Variants in KCNIP4 observed in about 807,000 individuals in gnomAD.
The protein encoded by KCNIP4 is Kv channel-interacting protein 4.
KCNIP4 carries 12 observed loss-of-function variants against 34.0 expected under a neutral mutation model. That is an observed-to-expected ratio of 0.35 (90% CI 0.23 to 0.57). The LOEUF (loss-of-function observed/expected upper bound fraction) is 0.57. Ranked by LOEUF, KCNIP4 falls within the 20% of genes least tolerant of loss-of-function variation. KCNIP4 has a pLI of 0.83. For missense variants in KCNIP4, 238 were observed against 311.7 expected (o/e 0.76, Z 1.78); for synonymous variants, 124 against 102.2 (o/e 1.21, Z -1.29).
intron 1 of KCNIP4, among the ~76,000 whole-genome samples, chr4:21,536,903 T>C (rs1015956988): frequency 6.6e-6 from 1 of 152,212 alleles, no homozygotes; most frequent in African/African-American, 2.4e-5. Context: ...GCATTGGATC[T>C]TGAGCCCTGT....
intron 3 of KCNIP4, among the ~76,000 whole-genome samples, chr4:20,776,307 GA>G (rs1756363131): frequency 6.6e-6 from 1 of 152,114 alleles, no homozygotes; most frequent in South Asian, 2.1e-4. Flanking sequence ...GTATCTCACA[GA>G]TATTTTCATT....
intron 1 of KCNIP4, among the ~76,000 whole-genome samples, chr4:21,382,483 T>A (rs987430073): frequency 6.6e-6 from 1 of 152,140 alleles, no homozygotes; most frequent in Non-Finnish European, 1.5e-5. Context: ...ATTCCAAGCA[T>A]CCAGTAGAGT....
rs143344015 is a variant in KCNIP4, at chr4:21,400,998, T to C, written c.62-518289A>G. ...CAACATGGTGAAACCCCGTCTCTAC[T>C]AAAAATACAAAAATTAGCTGGGCAT... On this transcript the variant is annotated intron_variant, in intron 1 of 8. Transcript: ENST00000382152. 6.6e-3 allele frequency among the ~76,000 whole-genome samples: 997 copies of C among 152,092 alleles called. 21 individuals are homozygous for C. The highest frequency in any genetic ancestry group is 0.023 in the African/African-American group (938 of 41,492).
intron 1 of KCNIP4, among the ~76,000 whole-genome samples, chr4:21,448,331 T>A (rs944487692): frequency 1.3e-5 from 2 of 152,074 alleles, no homozygotes; most frequent in Non-Finnish European, 2.9e-5. Context: ...AGTTAAAGGC[T>A]TTTTTAAGGG....
chr4:20,760,872 T>C (rs965867742), intron 3 of KCNIP4, among the ~76,000 whole-genome samples: 2 of 152,188 alleles, frequency 1.3e-5, no homozygotes, highest in Non-Finnish European at 2.9e-5. Flanking sequence ...TGAACTGTGA[T>C]GGTTGATTTT....
rs375792199 is a variant in KCNIP4, at chr4:20,988,038, A to G, written c.62-105329T>C. On this transcript the variant is annotated intron_variant, in intron 1 of 8. Transcript: ENST00000382152. ...AAAAAAAAAATTATAGATATTAACT[A>G]ATTTAATCCTTTTATAGTTCCCTGA... Among the ~76,000 whole-genome samples the G allele has an allele frequency of 3.6e-4, 55 of 150,816 alleles. No homozygotes were observed. The East Asian group carries it at 6.0e-3, about 17-fold the overall frequency.
chr4:21,269,991 T>C (rs1762044061), intron 1 of KCNIP4, among the ~76,000 whole-genome samples: 1 of 152,170 alleles, frequency 6.6e-6, no homozygotes, highest in Non-Finnish European at 1.5e-5. Context: ...TCTTCAAATT[T>C]AGAGCAAAGC....
rs200098880 is a variant in KCNIP4 at position 21,232,720 on chromosome 4, TAA to T, written c.62-350013_62-350012del. ...AGAGCACAGACCCTGTGCAAAGCGT[TAA>T]GAGTTATTCTTGCCTTCGAAGAAAT... On this transcript the variant is annotated intron_variant, in intron 1 of 8. Coordinates refer to ENST00000382152, the MANE Select transcript of KCNIP4 (RefSeq NM_025221.6). 1.5e-4 allele frequency among the ~76,000 whole-genome samples: 23 copies of T among 152,312 alleles called. No homozygotes were observed. In the East Asian group the frequency reaches 3.7e-3, roughly 24 times the overall value.
chr4:21,890,947 T>C (rs956197571), intron 1 of KCNIP4, among the ~76,000 whole-genome samples: 11 of 152,214 alleles, frequency 7.2e-5, no homozygotes, highest in African/African-American at 2.6e-4. Flanking sequence ...CTGTGACCAC[T>C]TGTAAAAAGC....
chr4:21,309,920 T>C (rs1307397741), intron 1 of KCNIP4, among the ~76,000 whole-genome samples: 1 of 152,204 alleles, frequency 6.6e-6, no homozygotes, highest in African/African-American at 2.4e-5. Context: ...ATCAGCTTTA[T>C]AGAGATCACG....
At chr4:21,047,725 C>CACAT (rs1742560562) in intron 1 of KCNIP4, among the ~76,000 whole-genome samples, 1 of 152,180 alleles carries the variant, frequency 6.6e-6, no homozygotes, top group Admixed American at 6.5e-5. Flanking sequence ...AAATAATTGT[C>CACAT]ACATGTTAGT....
chr4:20,952,442 C>T (rs768526863), intron 1 of KCNIP4, among the ~76,000 whole-genome samples: 29 of 152,096 alleles, frequency 1.9e-4, no homozygotes, highest in Non-Finnish European at 3.7e-4. Context: ...TATTACCATA[C>T]TTATTCTTTC....
chr4:21,075,086 A>G (rs1357302444), intron 1 of KCNIP4, among the ~76,000 whole-genome samples: 2 of 152,098 alleles, frequency 1.3e-5, no homozygotes, highest in Non-Finnish European at 2.9e-5. Flanking sequence ...AATAAGTGTG[A>G]TGTGGTGCTG....
intron 1 of KCNIP4, among the ~76,000 whole-genome samples, chr4:21,606,299 T>C (rs1743660913): frequency 6.6e-6 from 1 of 152,156 alleles, no homozygotes; most frequent in Non-Finnish European, 1.5e-5. Context: ...AGGATCCTTT[T>C]TAACATATCA....
chr4:21,054,610 T>C (rs192283739), intron 1 of KCNIP4, among the ~76,000 whole-genome samples: 4 of 148,980 alleles, frequency 2.7e-5, no homozygotes, highest in East Asian at 2.0e-4. Flanking sequence ...ACTGGTCTTT[T>C]ACAAAGGAGC....
chr4:21,915,087 G>A (rs1353211907), intron 1 of KCNIP4, among the ~76,000 whole-genome samples: 2 of 152,172 alleles, frequency 1.3e-5, no homozygotes, highest in Non-Finnish European at 2.9e-5. Flanking sequence ...GTGCTGTAGC[G>A]GCACAGAGAG....
intron 1 of KCNIP4, among the ~76,000 whole-genome samples, chr4:21,888,839 T>C (rs1307231037): frequency 6.6e-6 from 1 of 152,128 alleles, no homozygotes; most frequent in Non-Finnish European, 1.5e-5. Context: ...TTTTTTGGTC[T>C]TTGGCTTCAC....
chr4:21,055,210 C>T (rs1467610766), intron 1 of KCNIP4, among the ~76,000 whole-genome samples: 2 of 152,092 alleles, frequency 1.3e-5, no homozygotes, highest in Non-Finnish European at 2.9e-5. Flanking sequence ...ATTAAAACAA[C>T]AATGAGATAC....
chr4:21,192,148 C>T (rs1461388676), intron 1 of KCNIP4, among the ~76,000 whole-genome samples: 2 of 152,156 alleles, frequency 1.3e-5, no homozygotes, highest in Non-Finnish European at 2.9e-5. Flanking sequence ...ATTTAACTGT[C>T]ATGTATTCCA....
Sources: gnomAD v4.1 joint callset for allele counts (sites outside exome capture counted in the v4.1 genomes callset) on GRCh38, gnomAD v4.1.1 for gene constraint, MANE v1.5 for transcripts, NCBI Gene and HGNC (gene_info 2026-07-23, HGNC 2026-07-21) for gene names.